SMYD3: variants seen among roughly 807,000 people sequenced by gnomAD.
SMYD3 encodes histone-lysine N-methyltransferase SMYD3.
Under a neutral mutation model 57.7 loss-of-function variants are expected in SMYD3, and 36 were observed. The ratio of observed to expected loss-of-function variants is 0.62; its 90% CI spans 0.48 to 0.82. SMYD3 has a LOEUF of 0.82. Ranked by LOEUF, SMYD3 falls within the 40% of genes least tolerant of loss-of-function variation. The pLI, the probability that SMYD3 is intolerant of heterozygous loss-of-function variation, is 0.00. For synonymous variants in SMYD3, 211 were observed against 195.0 expected (o/e 1.08, Z -0.68); for missense variants, 515 against 538.8 (o/e 0.96, Z 0.44).
chr1:245,947,726 G>A (rs1018929752), intron 5 of SMYD3, among the ~76,000 whole-genome samples: 3 of 152,050 alleles, frequency 2.0e-5, no homozygotes, highest in African/African-American at 7.2e-5. Context: ...ACCATAGTTC[G>A]ATCAACTGTA....
At chr1:245,907,676 T>C (rs1238739778) in intron 8 of SMYD3, among the ~76,000 whole-genome samples, 4 of 152,162 alleles carry the variant, frequency 2.6e-5, no homozygotes, top group Admixed American at 6.5e-5. Context: ...AGAAAACAAT[T>C]TTTAAAATGT....
intron 1 of SMYD3, among the ~76,000 whole-genome samples, chr1:246,435,682 C>T (rs1337374575): frequency 6.8e-6 from 1 of 148,084 alleles, no homozygotes; most frequent in Non-Finnish European, 1.5e-5. Context: ...AGAGTAATAG[C>T]GTTGAGACTC....
At chr1:246,447,631 A>C (rs1210098520) in intron 1 of SMYD3, among the ~76,000 whole-genome samples, 1 of 152,216 alleles carries the variant, frequency 6.6e-6, no homozygotes, top group Non-Finnish European at 1.5e-5. Flanking sequence ...TATAGTCTAC[A>C]GAAGTATCCA....
chr1:245,916,783 A>T (rs7528134), intron 7 of SMYD3, among the ~76,000 whole-genome samples: 150,182 of 152,168 alleles, frequency 0.99, 74,151 homozygotes, highest in Middle Eastern at 1. Flanking sequence ...AGTGATTCAC[A>T]TAAAATATGT....
chr1:246,187,241 T>C (rs1446479431), intron 5 of SMYD3, among the ~76,000 whole-genome samples: 1 of 148,188 alleles, frequency 6.7e-6, no homozygotes, highest in African/African-American at 2.5e-5. Context: ...TGAGCAGAGA[T>C]CGTGCCACTG....
intron 2 of SMYD3, among the ~76,000 whole-genome samples, chr1:246,338,435 A>G (rs994489761): frequency 3.9e-5 from 6 of 152,228 alleles, no homozygotes; most frequent in Non-Finnish European, 8.8e-5. Context: ...CAATTTCTCA[A>G]AAGACAACCT....
intron 5 of SMYD3, among the ~76,000 whole-genome samples, chr1:246,028,402 T>C (rs2059612892): frequency 6.6e-6 from 1 of 152,122 alleles, no homozygotes; most frequent in Non-Finnish European, 1.5e-5. Context: ...AGTTGCAAGA[T>C]ACAAAATCAA....
chr1:245,891,933 C>T lies in SMYD3; in HGVS notation c.813+23597G>A, dbSNP rs113490986. Among the ~76,000 whole-genome samples, 509 of 152,258 alleles carry T rather than the reference C, an allele frequency of 3.3e-3. 4 individuals carry two copies. Among genetic ancestry groups the T allele is most frequent in the African/African-American group, 0.012 (484 of 41,558 alleles). On this transcript the variant is annotated intron_variant, in intron 8 of 11. Coordinates refer to ENST00000490107, the MANE Select transcript of SMYD3 (RefSeq NM_001167740.2). ...TGGTGGCACACGCCTGTAGCCCCAG[C>T]TACTGAGGAGGCTGACATGGGAGGA... is the stretch of plus-strand genomic sequence containing the variant.
At chr1:245,959,036 T>C (rs2057929583) in intron 5 of SMYD3, among the ~76,000 whole-genome samples, 1 of 152,092 alleles carries the variant, frequency 6.6e-6, no homozygotes, top group African/African-American at 2.4e-5. Flanking sequence ...GCCTCCCAAG[T>C]AGTTGGGATT....
chr1:246,250,655 T>A (rs1436365366), intron 5 of SMYD3, among the ~76,000 whole-genome samples: 1 of 152,202 alleles, frequency 6.6e-6, no homozygotes, highest in Non-Finnish European at 1.5e-5. Flanking sequence ...TAAAGCTATA[T>A]TCATGTATTT....
chr1:245,933,481 TATA>T, intron 5 of SMYD3, among the ~76,000 whole-genome samples: 1 of 152,216 alleles, frequency 6.6e-6, no homozygotes, highest in East Asian at 1.9e-4. Context: ...AGCCTTCATA[TATA>T]ATATTATAGT....
intron 2 of SMYD3, among the ~76,000 whole-genome samples, chr1:246,351,988 T>C (rs562235410): frequency 9.6e-4 from 146 of 151,774 alleles, no homozygotes; most frequent in African/African-American, 3.5e-3. Context: ...TAGAAAAAAT[T>C]AGCTGGGCGT....
intron 1 of SMYD3, among the ~76,000 whole-genome samples, chr1:246,357,197 T>G (rs1177735582): frequency 6.6e-6 from 1 of 152,200 alleles, no homozygotes; most frequent in Non-Finnish European, 1.5e-5. Context: ...TAGGGCATTC[T>G]AAGTCACAGG....
intron 1 of SMYD3, among the ~76,000 whole-genome samples, chr1:246,409,657 G>A (rs74680150): frequency 0.32 from 48,830 of 151,530 alleles, 8,175 homozygotes; most frequent in Non-Finnish European, 0.35. Flanking sequence ...TTGGCAATGC[G>A]GGCTCTTTTT....
At position 245,878,131 on chromosome 1, in the gene SMYD3, G is replaced by A. The variant is rs113770397; in HGVS notation, c.814-14245C>T. On this transcript the variant is annotated intron_variant, in intron 8 of 11. Transcript: ENST00000490107. ...GGGCTCACCGATGACATCAGAGAGAGCGTGCTTTGGGGAGTGATAACTCCT... is the reference window on the plus strand; with the variant it reads ...GGGCTCACCGATGACATCAGAGAGAACGTGCTTTGGGGAGTGATAACTCCT... Among the ~76,000 whole-genome samples the A allele has an allele frequency of 5.9e-5, 9 of 152,310 alleles. 1 individual carries two copies. The highest frequency in any genetic ancestry group is 2.2e-4 in the African/African-American group (9 of 41,552).
chr1:245,934,462 C>A (rs571527926), intron 5 of SMYD3, among the ~76,000 whole-genome samples: 3 of 152,256 alleles, frequency 2.0e-5, no homozygotes, highest in African/African-American at 7.2e-5. Flanking sequence ...TTCTCATAAA[C>A]CTTAAGAGAT....
chr1:246,468,108 CCA>C (rs2067905425), intron 1 of SMYD3, among the ~76,000 whole-genome samples: 1 of 150,044 alleles, frequency 6.7e-6, no homozygotes, highest in Non-Finnish European at 1.5e-5. Flanking sequence ...TTGCAGTGAG[CCA>C]TGATCTCACC....
At chr1:245,782,074 C>A (rs2046852222) in intron 10 of SMYD3, among the ~76,000 whole-genome samples, 1 of 152,304 alleles carries the variant, frequency 6.6e-6, no homozygotes, top group Admixed American at 6.5e-5. Flanking sequence ...CTCTCACAGT[C>A]TCTGAAGGCC....
chr1:246,089,982 C>G (rs1321977941), intron 5 of SMYD3, among the ~76,000 whole-genome samples: 1 of 151,670 alleles, frequency 6.6e-6, no homozygotes, highest in Non-Finnish European at 1.5e-5. Flanking sequence ...CACTGGCTGG[C>G]ACTAGAAGAA....
Sources: gnomAD v4.1 joint callset for allele counts (sites outside exome capture counted in the v4.1 genomes callset) on GRCh38, gnomAD v4.1.1 for gene constraint, MANE v1.5 for transcripts, NCBI Gene and HGNC (gene_info 2026-07-23, HGNC 2026-07-21) for gene names.